EFCAB8: variants seen among roughly 807,000 people sequenced by gnomAD.
The protein encoded by EFCAB8 is EF-hand calcium-binding domain-containing protein 8.
In EFCAB8, 100 loss-of-function variants were observed where a neutral mutation model predicts 116.3. The observed-to-expected ratio is 0.86, with a 90% CI of 0.73 to 1.02. EFCAB8 has a LOEUF of 1.02. Ranked by LOEUF, EFCAB8 falls within the 50% of genes least tolerant of loss-of-function variation. EFCAB8 has a pLI of 0.00. For missense variants in EFCAB8, 1,320 were observed against 1,416.9 expected (o/e 0.93, Z 1.10); for synonymous variants, 558 against 567.9 (o/e 0.98, Z 0.25).
rs143337882 is a variant in EFCAB8 at position 32,869,570 on chromosome 20, C to T, written c.208+1823C>T. ...AATCTTATATAACAAATCATGTAATCATGTGCACATAGTCCTGCACACCCT... is the reference window on the plus strand; with the variant it reads ...AATCTTATATAACAAATCATGTAATTATGTGCACATAGTCCTGCACACCCT... On this transcript the variant is annotated intron_variant, in intron 3 of 26. Coordinates refer to ENST00000400522, the MANE Select transcript of EFCAB8 (RefSeq NM_001143967.2). 4.2e-3 allele frequency among the ~76,000 whole-genome samples: 634 copies of T among 152,224 alleles called. 3 individuals carry two copies. Among genetic ancestry groups the T allele is most frequent in the Middle Eastern group, 0.014 (4 of 294 alleles).
At chr20:32,940,982 G>A (rs1434493477) in intron 22 of EFCAB8, among the ~76,000 whole-genome samples, 6 of 149,546 alleles carry the variant, frequency 4.0e-5, no homozygotes, top group South Asian at 2.1e-4. Context: ...GGCCAGGTAC[G>A]GTGGCTCAGG....
chr20:32,863,164 C>T (rs899475943), intron 1 of EFCAB8, among the ~76,000 whole-genome samples: 2 of 152,138 alleles, frequency 1.3e-5, no homozygotes, highest in Non-Finnish European at 2.9e-5. Flanking sequence ...CTAGAGTGCC[C>T]TCTGGACTCT....
intron 20 of EFCAB8, among the ~76,000 whole-genome samples, chr20:32,924,813 G>A (rs1288867776): frequency 1.3e-5 from 2 of 152,168 alleles, no homozygotes; most frequent in Non-Finnish European, 2.9e-5. Flanking sequence ...ACTGTGGCTG[G>A]CAGGGCTGTG....
chr20:32,891,639 C>T (rs1284619413), intron 7 of EFCAB8, among the ~76,000 whole-genome samples: 3 of 152,206 alleles, frequency 2.0e-5, no homozygotes, highest in Non-Finnish European at 4.4e-5. Flanking sequence ...GTGTGATCCC[C>T]GGCCTTTGTG....
intron 21 of EFCAB8, 61 bp from the exon 22 acceptor site, chr20:32,931,117 C>T: frequency 7.2e-7 from 1 of 1,393,998 alleles, no homozygotes; most frequent in Non-Finnish European, 9.6e-7. Flanking sequence ...GAGGAGCCCG[C>T]AGAGTGAGTT....
intron 10 of EFCAB8, chr20:32,898,270 T>C (rs1986259981): frequency 6.2e-6 from 3 of 482,306 alleles, no homozygotes; most frequent in Non-Finnish European, 1.1e-5. Context: ...GAAAGTAGGC[T>C]TGTGTGCTTT....
intron 5 of EFCAB8, among the ~76,000 whole-genome samples, chr20:32,882,927 C>T (rs1367632347): frequency 6.6e-6 from 1 of 151,846 alleles, no homozygotes; most frequent in South Asian, 2.1e-4. Context: ...AATCTCCTGA[C>T]CTCATGATCT....
chr20:32,880,780 AGCT>A (rs1985291132), intron 5 of EFCAB8, among the ~76,000 whole-genome samples: 1 of 152,280 alleles, frequency 6.6e-6, no homozygotes, highest in South Asian at 2.1e-4. Context: ...GCCATAGGGA[AGCT>A]CTCAGAACCC....
At chr20:32,917,582 G>A (rs1215840865) in intron 18 of EFCAB8, 77 bp downstream of exon 18, 3 of 1,388,402 alleles carry the variant, frequency 2.2e-6, no homozygotes, top group Non-Finnish European at 3.0e-6. Flanking sequence ...AGGGAGGGTG[G>A]GGAGCACCCT....
chr20:32,903,817 G>T (rs1600405310), intron 11 of EFCAB8: 2 of 152,650 alleles, frequency 1.3e-5, no homozygotes, highest in South Asian at 4.1e-4. Flanking sequence ...GTGGCCATGG[G>T]AGTGGAGGGA....
intron 7 of EFCAB8, among the ~76,000 whole-genome samples, chr20:32,890,557 C>T (rs1985863229): frequency 6.6e-6 from 1 of 152,166 alleles, no homozygotes; most frequent in African/African-American, 2.4e-5. Context: ...CTTCTGGATG[C>T]TCGATGACTA....
At chr20:32,871,141 C>T (rs1004173843) in intron 3 of EFCAB8, among the ~76,000 whole-genome samples, 4 of 151,228 alleles carry the variant, frequency 2.6e-5, no homozygotes, top group Non-Finnish European at 4.4e-5. Flanking sequence ...TGTGAGCCAC[C>T]GTGCCCGGCC....
intron 10 of EFCAB8, 43 bp downstream of exon 10, chr20:32,896,570 T>A (rs1341295778): frequency 1.4e-6 from 1 of 717,584 alleles, no homozygotes; most frequent in East Asian, 2.7e-5. Flanking sequence ...GGTAATTATC[T>A]GTACACACAC....
At chr20:32,860,493 CTTTTTTTTTT>C (rs71190881) in intron 1 of EFCAB8, among the ~76,000 whole-genome samples, 111 of 83,984 alleles carry the variant, frequency 1.3e-3, no homozygotes, top group Non-Finnish European at 1.5e-3. Context: ...ATGGTGGTAA[CTTTTTTTTTT>C]TTTTTTTTTT....
chr20:32,943,509 A>G, intron 22 of EFCAB8, 127 bp from the exon 23 acceptor site: 1 of 414,864 alleles, frequency 2.4e-6, no homozygotes, highest in Non-Finnish European at 4.4e-6. Context: ...TGCATCTAGA[A>G]CTAGAACGCT....
chr20:32,879,501 G>C (rs1373822146), intron 5 of EFCAB8, among the ~76,000 whole-genome samples: 1 of 152,174 alleles, frequency 6.6e-6, no homozygotes, highest in Admixed American at 6.5e-5. Flanking sequence ...CTCTCTAAGC[G>C]AAGACAGAGT....
chr20:32,878,827 G>C lies in EFCAB8; in HGVS notation c.431+20G>C. The C allele has an allele frequency of 6.5e-7, 1 of 1,547,600 alleles. No individual in the cohort carries two copies. Among genetic ancestry groups the C allele is most frequent in the South Asian group, 1.2e-5 (1 of 83,950 alleles). Reference sequence around the variant, plus strand: ...CCCCCTGTAAGGAGCCTCTTCCTGGGCCTTGGTGGGTGGGGTGACTGGACA... The same window carrying C: ...CCCCCTGTAAGGAGCCTCTTCCTGGCCCTTGGTGGGTGGGGTGACTGGACA... On this transcript the variant is annotated intron_variant, in intron 5 of 26. Transcript: ENST00000400522.
intron 3 of EFCAB8, 48 bp from the exon 4 acceptor site, chr20:32,875,878 G>A (rs1399598870): frequency 2.6e-6 from 4 of 1,517,008 alleles, no homozygotes; most frequent in East Asian, 2.5e-5. Context: ...GTGATGGGCC[G>A]AGGGACTTGT....
intron 20 of EFCAB8, among the ~76,000 whole-genome samples, chr20:32,921,443 TG>T (rs1987450538): frequency 6.6e-6 from 1 of 151,806 alleles, no homozygotes; most frequent in Non-Finnish European, 1.5e-5. Context: ...CTCGAACTCC[TG>T]GGCTCAAGTG....
Sources: allele counts gnomAD v4.1 joint callset (sites outside exome capture counted in the v4.1 genomes callset), GRCh38; gene constraint gnomAD v4.1.1; transcripts MANE v1.5; gene names NCBI Gene and HGNC (gene_info 2026-07-23, HGNC 2026-07-21).